The following GTF2B variants were observed in gnomAD, a reference collection of about 807,000 sequenced individuals.
The protein encoded by GTF2B is transcription initiation factor IIB.
GTF2B carries 20 observed loss-of-function variants against 34.6 expected under a neutral mutation model. The ratio of observed to expected loss-of-function variants is 0.58; its 90% CI spans 0.41 to 0.84. GTF2B has a LOEUF of 0.84. GTF2B is among the 40% of genes least tolerant of loss of function. The pLI, the probability that GTF2B is intolerant of heterozygous loss-of-function variation, is 0.00. For missense variants in GTF2B, 237 were observed against 393.3 expected (o/e 0.60, Z 3.36); for synonymous variants, 142 against 132.4 (o/e 1.07, Z -0.50).
intron 2 of GTF2B, among the ~76,000 whole-genome samples, chr1:88,869,188 A>G (rs963064614): frequency 6.6e-6 from 1 of 152,210 alleles, no homozygotes; most frequent in African/African-American, 2.4e-5. Flanking sequence ...CAGCATTTAC[A>G]CTACGTAAGT....
chr1:88,858,693 G>C (rs1673372856), intron 5 of GTF2B: 1 of 152,132 alleles, frequency 6.6e-6, no homozygotes, highest in South Asian at 2.1e-4. Context: ...GATGAATAAA[G>C]GGTTAAGTAT....
At position 88,891,526 on chromosome 1, in the gene GTF2B, C is replaced by A; in HGVS notation, c.-27G>T. ...TTCACGGCGACTGCGGTGCCCGCAA[C>A]AAGACACAACAGACACACCGAAAGC... On this transcript the variant is annotated 5_prime_UTR_variant, in exon 1 of 7. Coordinates refer to ENST00000370500, the MANE Select transcript of GTF2B (RefSeq NM_001514.6). 12 of 1,597,628 alleles carry A rather than the reference C, an allele frequency of 7.5e-6. No homozygotes were observed. The highest frequency in any genetic ancestry group is 1.0e-5 in the Non-Finnish European group (12 of 1,170,290).
Position 88,853,006 on chromosome 1 carries a change from C to T in GTF2B, c.*207G>A, listed in dbSNP as rs1008848334. 3 of 487,144 alleles carry T rather than the reference C, an allele frequency of 6.2e-6. No homozygotes were observed. Among genetic ancestry groups the T allele is most frequent in the Non-Finnish European group, 7.2e-6 (2 of 275,940 alleles). 30.2% of individuals were successfully genotyped at this position (487,144 alleles called of 1,614,324 possible). A position where few individuals can be genotyped will look rare whatever the true frequency, so the allele number is the denominator to read the frequency against. On this transcript the variant is annotated 3_prime_UTR_variant, in exon 7 of 7. Transcript: ENST00000370500. ...TTCCAAAATACAGTTTCCTAGATTGCTACAAAAGAAATTTGATAAGAAATT... is the reference window on the plus strand; with the variant it reads ...TTCCAAAATACAGTTTCCTAGATTGTTACAAAAGAAATTTGATAAGAAATT...
chr1:88,877,524 C>T (rs1441523205), intron 2 of GTF2B, among the ~76,000 whole-genome samples: 1 of 152,204 alleles, frequency 6.6e-6, no homozygotes, highest in African/African-American at 2.4e-5. Context: ...AGGTCAAATT[C>T]ATGAACTGAT....
At chr1:88,871,224 A>C (rs1454819690) in intron 2 of GTF2B, among the ~76,000 whole-genome samples, 1 of 152,130 alleles carries the variant, frequency 6.6e-6, no homozygotes, top group Non-Finnish European at 1.5e-5. Context: ...TTATGTTGTA[A>C]AAAGCTAATC....
chr1:88,858,168 T>C (rs113165212), intron 5 of GTF2B, among the ~76,000 whole-genome samples: 5,232 of 149,682 alleles, frequency 0.035, 242 homozygotes, highest in African/African-American at 0.11. Flanking sequence ...CCCGGCTAAT[T>C]TTTTGTATTT....
intron 2 of GTF2B, among the ~76,000 whole-genome samples, chr1:88,879,823 A>G (rs1451357209): frequency 6.6e-6 from 1 of 152,080 alleles, no homozygotes; most frequent in East Asian, 1.9e-4. Context: ...TGGGAGGTCG[A>G]GGCGGGTGGA....
At chr1:88,868,804 C>G (rs1185884481) in intron 2 of GTF2B, among the ~76,000 whole-genome samples, 1 of 151,872 alleles carries the variant, frequency 6.6e-6, no homozygotes, top group African/African-American at 2.4e-5. Context: ...GGCTCAATCT[C>G]GGCTCACTGC....
At chr1:88,860,917 T>A (rs1673417923) in intron 3 of GTF2B, among the ~76,000 whole-genome samples, 1 of 152,124 alleles carries the variant, frequency 6.6e-6, no homozygotes, top group South Asian at 2.1e-4. Context: ...TTTGTAACAC[T>A]GATTGGAAAA....
At chr1:88,855,147 C>T (rs1195028351) in intron 6 of GTF2B, among the ~76,000 whole-genome samples, 2 of 152,198 alleles carry the variant, frequency 1.3e-5, no homozygotes, top group Non-Finnish European at 2.9e-5. Context: ...GCTGCAACTT[C>T]TCAATTTTAC....
intron 3 of GTF2B, 90 bp downstream of exon 3, chr1:88,863,891 G>T: frequency 1.8e-6 from 2 of 1,087,006 alleles, no homozygotes; most frequent in Non-Finnish European, 2.8e-6. Context: ...TTCCCCACTG[G>T]TGCAGTGACT....
chr1:88,877,276 A>G (rs1673837628), intron 2 of GTF2B, among the ~76,000 whole-genome samples: 1 of 152,216 alleles, frequency 6.6e-6, no homozygotes, highest in Non-Finnish European at 1.5e-5. Context: ...AATATACCTA[A>G]GCTATTTTCC....
intron 5 of GTF2B, chr1:88,858,567 T>TTCAG (rs1673370635): frequency 6.6e-6 from 1 of 152,108 alleles, no homozygotes; most frequent in African/African-American, 2.4e-5. Context: ...ACCACACACT[T>TTCAG]TCAGAAGAAA....
At chr1:88,854,136 T>C (rs1163242003) in intron 6 of GTF2B, among the ~76,000 whole-genome samples, 2 of 152,232 alleles carry the variant, frequency 1.3e-5, no homozygotes, top group African/African-American at 4.8e-5. Context: ...AAATTCACTT[T>C]ATATTTCTGT....
chr1:88,883,052 A>T (rs2100979129), intron 2 of GTF2B, among the ~76,000 whole-genome samples: 1 of 152,352 alleles, frequency 6.6e-6, no homozygotes, highest in Middle Eastern at 3.4e-3. Flanking sequence ...AACTTCTGAC[A>T]CCACTGGAAG....
chr1:88,886,885 CTA>C (rs1674081571), intron 2 of GTF2B, among the ~76,000 whole-genome samples: 1 of 151,752 alleles, frequency 6.6e-6, no homozygotes, highest in Non-Finnish European at 1.5e-5. Flanking sequence ...AGTTTGGAAA[CTA>C]TGCAAAAGTG....
intron 2 of GTF2B, among the ~76,000 whole-genome samples, chr1:88,865,539 T>C (rs1052810188): frequency 6.6e-6 from 1 of 152,024 alleles, no homozygotes; most frequent in African/African-American, 2.4e-5. Flanking sequence ...CTGACCAAGA[T>C]GGAGAAACCC....
intron 2 of GTF2B, among the ~76,000 whole-genome samples, chr1:88,872,251 T>C (rs1673709133): frequency 6.6e-6 from 1 of 151,618 alleles, no homozygotes; most frequent in South Asian, 2.1e-4. Flanking sequence ...GTCAAGAGTT[T>C]GAGACAAGCC....
chr1:88,881,755 T>C (rs940913115), intron 2 of GTF2B, among the ~76,000 whole-genome samples: 4 of 152,200 alleles, frequency 2.6e-5, no homozygotes, highest in African/African-American at 4.8e-5. Flanking sequence ...GTAAGTTTTA[T>C]TGGATATGTT....
Sources: gnomAD v4.1 joint callset for allele counts (sites outside exome capture counted in the v4.1 genomes callset) on GRCh38, gnomAD v4.1.1 for gene constraint, MANE v1.5 for transcripts, NCBI Gene and HGNC (gene_info 2026-07-23, HGNC 2026-07-21) for gene names.